CARS1: variants seen among roughly 807,000 people sequenced by gnomAD.
The protein encoded by CARS1 is cysteine--tRNA ligase, cytoplasmic.
A neutral mutation model predicts 106.2 loss-of-function variants in CARS1; 48 were observed. The observed-to-expected ratio is 0.45, with a 90% CI of 0.36 to 0.57. CARS1 has a LOEUF of 0.57. Ranked by LOEUF, CARS1 falls within the 20% of genes least tolerant of loss-of-function variation. The probability of loss-of-function intolerance (pLI) is 0.00; values close to 1 mark genes in which losing one functional copy is unlikely to be tolerated. For synonymous variants in CARS1, 409 were observed against 403.4 expected, an observed-to-expected ratio of 1.01 and a Z score of -0.17; for missense variants, 968 against 1,057.2, an observed-to-expected ratio of 0.92 and a Z score of 1.17.
chr11:3,049,877 T>C (rs1855481264), intron 1 of CARS1, among the ~76,000 whole-genome samples: 1 of 152,140 alleles, frequency 6.6e-6, no homozygotes, highest in African/African-American at 2.4e-5. Context: ...CAGAGTGTGT[T>C]GCGGGGGTAA....
rs1044144417 is a variant in CARS1 at position 3,050,818 on chromosome 11, T to G, written c.26-2817A>C. Among the ~76,000 whole-genome samples the G allele has an allele frequency of 2.0e-5, 3 of 152,198 alleles. No individual in the cohort carries two copies. The highest frequency in any genetic ancestry group is 2.0e-4 in the Admixed American group (3 of 15,278). On this transcript the variant is annotated intron_variant, in intron 1 of 22. Transcript: ENST00000380525. This position sits in a 1 kb window ranked among gnomAD's most constrained non-coding sequence, Gnocchi z 6.3. ...GGTCTTCAAGGACTCCCTGTCCATA[T>G]GGCGCCCGCCTCTAGACCCTGAGCC...
chr11:3,019,066 G>A lies in CARS1; in HGVS notation c.1395+73C>T. 6.8e-7 allele frequency: 1 copy of A among 1,463,156 alleles called. No individual in the cohort carries two copies. The highest frequency in any genetic ancestry group is 9.1e-7 in the Non-Finnish European group (1 of 1,099,726). 90.6% of individuals were successfully genotyped at this position (1,463,156 alleles called of 1,614,324 possible). A position where few individuals can be genotyped will look rare whatever the true frequency, so the allele number is the denominator to read the frequency against. Reference sequence around the variant, plus strand: ...GTGAGAGAGGCCCTTCTGAGGCCTGGGCTGACTTTTCCTCCACTGCAGTAT... The same window carrying A: ...GTGAGAGAGGCCCTTCTGAGGCCTGAGCTGACTTTTCCTCCACTGCAGTAT... On this transcript the variant is annotated intron_variant, in intron 12 of 22. Coordinates refer to ENST00000380525, the MANE Select transcript of CARS1 (RefSeq NM_001014437.3). The surrounding 1 kb of genome is among the most constrained non-coding windows in gnomAD (Gnocchi z 6.2).
rs1202989099 is a variant in CARS1, at chr11:3,041,933, C to T, written c.366+232G>A. 6.6e-6 allele frequency among the ~76,000 whole-genome samples: 1 copy of T among 152,210 alleles called. No homozygotes were observed. The highest frequency in any genetic ancestry group is 2.4e-5 in the African/African-American group (1 of 41,452). On this transcript the variant is annotated intron_variant, in intron 3 of 22. Coordinates refer to ENST00000380525, the MANE Select transcript of CARS1 (RefSeq NM_001014437.3). The surrounding 1 kb of genome is among the most constrained non-coding windows in gnomAD (Gnocchi z 4.9). The stretch of plus-strand genomic sequence containing the variant: ...TCCATGCCCAGAAGTCATGGGCAGG[C>T]TTCCACATGAGGCATGATACTTCAC...
Position 3,038,928 on chromosome 11 carries a change from C to A in CARS1, c.651+266G>T, listed in dbSNP as rs978657733. 1.3e-5 allele frequency among the ~76,000 whole-genome samples: 2 copies of A among 152,206 alleles called. No individual in the cohort carries two copies. The highest frequency in any genetic ancestry group is 4.8e-5 in the African/African-American group (2 of 41,452). On this transcript the variant is annotated intron_variant, in intron 6 of 22. Transcript: ENST00000380525. The surrounding 1 kb of genome is among the most constrained non-coding windows in gnomAD (Gnocchi z 4.0). The stretch of plus-strand genomic sequence containing the variant: ...ATTTTTATAAGTGTAATTAGTGGCA[C>A]TGTGATGAATTCAGTTGTTTTCCTG...
intron 17 of CARS1, 105 bp from the exon 18 acceptor site, chr11:3,012,381 C>T: frequency 2.0e-6 from 2 of 976,330 alleles, no homozygotes; most frequent in East Asian, 2.5e-5. Flanking sequence ...CTGGCATGGG[C>T]AGTGCTGCTG....
Position 3,040,141 on chromosome 11 carries a change from A to G in CARS1, c.456-210T>C. ...TATAATGATCCACTTCCACCTAATG[A>G]ATAGTAAATATATTGCCTCTCCCTT... On this transcript the variant is annotated intron_variant, in intron 4 of 22. Transcript: ENST00000380525. This position sits in a 1 kb window ranked among gnomAD's most constrained non-coding sequence, Gnocchi z 5.8. 2.0e-6 allele frequency: 1 copy of G among 501,056 alleles called. No individual in the cohort carries two copies. Among genetic ancestry groups the G allele is most frequent in the Non-Finnish European group, 3.5e-6 (1 of 286,292 alleles). 31.0% of individuals were successfully genotyped at this position (501,056 alleles called of 1,614,324 possible). A position where few individuals can be genotyped will look rare whatever the true frequency, so the allele number is the denominator to read the frequency against.
intron 12 of CARS1, 143 bp from the exon 13 acceptor site, chr11:3,018,892 C>T: frequency 8.2e-7 from 1 of 1,217,006 alleles, no homozygotes; most frequent in Non-Finnish European, 1.1e-6. Flanking sequence ...CTTGGAAGGA[C>T]AGCCCAGGTT....
In CARS1 at chr11:3,000,975, A is replaced by C; in HGVS notation, c.*139T>G. On this transcript the variant is annotated 3_prime_UTR_variant, in exon 23 of 23. Transcript: ENST00000380525. The surrounding 1 kb of genome is among the most constrained non-coding windows in gnomAD (Gnocchi z 7.1). ...TATCAATGTCTCAGAGCCAACGACGACACGAACCTACATGAACACAACTCT... is the reference window on the plus strand; with the variant it reads ...TATCAATGTCTCAGAGCCAACGACGCCACGAACCTACATGAACACAACTCT... 1 of 941,892 alleles carries C rather than the reference A, an allele frequency of 1.1e-6. No individual in the cohort carries two copies. Among genetic ancestry groups the C allele is most frequent in the East Asian group, 2.4e-5 (1 of 41,354 alleles). 58.3% of individuals were successfully genotyped at this position (941,892 alleles called of 1,614,324 possible). A position where few individuals can be genotyped will look rare whatever the true frequency, so the allele number is the denominator to read the frequency against.
In CARS1 at chr11:3,028,828, C is replaced by T. The variant is rs1852389891; in HGVS notation, c.1031+168G>A. On this transcript the variant is annotated intron_variant, in intron 9 of 22. Transcript: ENST00000380525. This position sits in a 1 kb window ranked among gnomAD's most constrained non-coding sequence, Gnocchi z 4.4. ...GACAGTGCAGACCCATGCTCCTCAG[C>T]CCCTGGGTGGGCCCAGAGTTGTAGG... is the stretch of plus-strand genomic sequence containing the variant. The T allele has an allele frequency of 1.6e-6, 1 of 621,772 alleles. No homozygotes were observed. Among genetic ancestry groups the T allele is most frequent in the African/African-American group, 1.8e-5 (1 of 54,642 alleles). The allele number at this position is 621,772 out of a possible 1,614,324, so 38.5% of individuals were successfully genotyped here.
chr11:3,011,026 G>C (rs997834713), intron 18 of CARS1, among the ~76,000 whole-genome samples: 9 of 152,214 alleles, frequency 5.9e-5, no homozygotes, highest in African/African-American at 2.2e-4. Flanking sequence ...CTCGAGGTCA[G>C]TGTGACCCGG....
At chr11:3,055,107 A>C in intron 1 of CARS1, 1 of 608,982 alleles carries the variant, frequency 1.6e-6, no homozygotes, top group Non-Finnish European at 2.9e-6. Flanking sequence ...GATGGTACAA[A>C]AATGATGGCC....
chr11:3,002,734 C>T, intron 20 of CARS1, 134 bp from the exon 21 acceptor site: 1 of 1,443,000 alleles, frequency 6.9e-7, no homozygotes, highest in South Asian at 1.3e-5. Flanking sequence ...CAGGCCCTCC[C>T]CACTGTGGGG....
Position 3,017,074 on chromosome 11 carries a change from T to C in CARS1, c.1917+32A>G, listed in dbSNP as rs746543178. 1.9e-6 allele frequency: 3 copies of C among 1,590,626 alleles called. No homozygotes were observed. In the African/African-American group the frequency reaches 4.0e-5, roughly 21 times the overall value. On this transcript the variant is annotated intron_variant, in intron 16 of 22. Coordinates refer to ENST00000380525, the MANE Select transcript of CARS1 (RefSeq NM_001014437.3). The surrounding 1 kb of genome is among the most constrained non-coding windows in gnomAD (Gnocchi z 4.9). ...GCCTGGCTCCTGTGTCCACACAGGC[T>C]GAGGGATACGCCTGCCTGGGGCCTG... is the stretch of plus-strand genomic sequence containing the variant.
In CARS1 at chr11:3,044,222, C is replaced by T. The variant is rs558070498; in HGVS notation, c.275-1966G>A. On this transcript the variant is annotated intron_variant, in intron 2 of 22. Coordinates refer to ENST00000380525, the MANE Select transcript of CARS1 (RefSeq NM_001014437.3). The surrounding 1 kb of genome is among the most constrained non-coding windows in gnomAD (Gnocchi z 4.4). ...TCACACTCACCCTGCTATGAGGAAA[C>T]GGCCCAGGGTTCACAGGACTGAAAG... Among the ~76,000 whole-genome samples the T allele has an allele frequency of 2.0e-4, 30 of 152,296 alleles. No homozygotes were observed. The highest frequency in any genetic ancestry group is 8.3e-4 in the South Asian group (4 of 4,828).
intron 9 of CARS1, 198 bp from the exon 10 acceptor site, chr11:3,026,995 C>T: frequency 1.7e-6 from 1 of 574,540 alleles, no homozygotes; most frequent in Middle Eastern, 4.7e-4. Context: ...GCGGAGGCAG[C>T]CTGCCTGCCC....
In CARS1 at chr11:3,028,918, C is replaced by T. The variant is rs983816352; in HGVS notation, c.1031+78G>A. On this transcript the variant is annotated intron_variant, in intron 9 of 22. Transcript: ENST00000380525. This position sits in a 1 kb window ranked among gnomAD's most constrained non-coding sequence, Gnocchi z 4.4. The stretch of plus-strand genomic sequence containing the variant: ...CACCTGCTCCTCTGCTTCCCAAACT[C>T]AGGCTCAGAGCTGGGGAGCTCCTCC... 8 of 994,900 alleles carry T rather than the reference C, an allele frequency of 8.0e-6. No homozygotes were observed. The African/African-American group carries it at 1.3e-4, about 16-fold the overall frequency. The allele number at this position is 994,900 out of a possible 1,614,324, so 61.6% of individuals were successfully genotyped here.
At position 3,002,008 on chromosome 11, in the gene CARS1, A is replaced by G; in HGVS notation, c.2323T>C (p.Leu775=). The G allele has an allele frequency of 6.2e-7, 1 of 1,613,974 alleles. No individual in the cohort carries two copies. The highest frequency in any genetic ancestry group is 8.5e-7 in the Non-Finnish European group (1 of 1,179,938). ...TTGGAGTATTTGTCGGTTTCTGACA[A>G]GAACATCTCACTGGGGGGAATCTTC... ...KMKIPPSEMF[L]SETDKYSKFD... is the part of the protein sequence containing the mutation. The change falls in exon 22 of 23, where the codon TTG becomes CTG. Residue 775 remains leucine (L), a synonymous_variant. Transcript: ENST00000380525.
intron 2 of CARS1, 110 bp downstream of exon 2, chr11:3,047,643 G>A: frequency 2.1e-6 from 3 of 1,420,388 alleles, no homozygotes; most frequent in Non-Finnish European, 1.9e-6. Flanking sequence ...ACTTGGGCGA[G>A]GCTCCCTCTG....
Position 3,028,815 on chromosome 11 carries a change from C to T in CARS1, c.1031+181G>A. On this transcript the variant is annotated intron_variant, in intron 9 of 22. Transcript: ENST00000380525. This position sits in a 1 kb window ranked among gnomAD's most constrained non-coding sequence, Gnocchi z 4.4. ...CCATGGCCCCCAGGACAGTGCAGAC[C>T]CATGCTCCTCAGCCCCTGGGTGGGC... 2 of 610,120 alleles carry T rather than the reference C, an allele frequency of 3.3e-6. No individual in the cohort carries two copies. The highest frequency in any genetic ancestry group is 4.4e-4 in the Middle Eastern group (1 of 2,284). The allele number at this position is 610,120 out of a possible 1,614,324, so 37.8% of individuals were successfully genotyped here.
Sources: gnomAD v4.1 joint callset for allele counts (sites outside exome capture counted in the v4.1 genomes callset) on GRCh38, gnomAD v4.1.1 for gene constraint, Gnocchi (gnomAD v3.1) non-coding constraint, MANE v1.5 for transcripts, NCBI Gene and HGNC (gene_info 2026-07-23, HGNC 2026-07-21) for gene names.